ITGB6: variants seen among roughly 807,000 people sequenced by gnomAD.
ITGB6 encodes the protein integrin subunit beta 6, also known as integrin beta-6.
Under a neutral mutation model 84.5 loss-of-function variants are expected in ITGB6, and 80 were observed. That is an observed-to-expected ratio of 0.95 (90% CI 0.79 to 1.14). ITGB6 has a LOEUF of 1.14. Ranked by LOEUF, ITGB6 falls within the 50% of genes most tolerant of loss-of-function variation. The pLI, the probability that ITGB6 is intolerant of heterozygous loss-of-function variation, is 0.00. For missense variants in ITGB6, 1,006 were observed against 968.0 expected (o/e 1.04, Z -0.52); for synonymous variants, 383 against 354.9 (o/e 1.08, Z -0.89).
intron 14 of ITGB6, among the ~76,000 whole-genome samples, chr2:160,104,335 C>T (rs1696830026): frequency 6.6e-6 from 1 of 152,186 alleles, no homozygotes; most frequent in African/African-American, 2.4e-5. Context: ...GAAATGTCCA[C>T]ACTGCCTCCT....
At chr2:160,182,729 G>C (rs1258399521) in intron 4 of ITGB6, among the ~76,000 whole-genome samples, 3 of 152,170 alleles carry the variant, frequency 2.0e-5, no homozygotes, top group Non-Finnish European at 4.4e-5. Context: ...AAAATGTTAA[G>C]GGCAACCAGA....
chr2:160,184,207 G>A (rs1685803206), intron 4 of ITGB6, among the ~76,000 whole-genome samples: 2 of 152,078 alleles, frequency 1.3e-5, no homozygotes, highest in Non-Finnish European at 2.9e-5. Context: ...TTTTTGAAAA[G>A]ATTAACAAAA....
At position 160,137,490 on chromosome 2, in the gene ITGB6, G is replaced by A. The variant is rs979172663; in HGVS notation, c.1604C>T (p.Pro535Leu). The A allele has an allele frequency of 2.5e-6, 4 of 1,614,026 alleles. No homozygotes were observed. The Middle Eastern group carries it at 4.9e-4, about 200-fold the overall frequency. The change falls in exon 10 of 15, where the codon CCT (proline) becomes CTT (leucine). Residue 535 changes from proline to leucine, a missense_variant. Pro to Leu is a moderately conservative substitution (Grantham distance 98). Transcript: ENST00000283249. ...GGAGAAATTGTCACACTGGCAATAAGGCCCATAAATGTTTCCATAGGGAGA... is the reference window on the plus strand; with the variant it reads ...GGAGAAATTGTCACACTGGCAATAAAGCCCATAAATGTTTCCATAGGGAGA... ...HLSPYGNIYG[P>L]YCQCDNFSCV... is the part of the protein sequence containing the mutation.
Position 160,101,464 on chromosome 2 carries a change from A to T in ITGB6, c.*272T>A. 2 of 354,272 alleles carry T rather than the reference A, an allele frequency of 5.6e-6. 1 individual carries two copies. 21.9% of individuals were successfully genotyped at this position (354,272 alleles called of 1,614,324 possible). On this transcript the variant is annotated 3_prime_UTR_variant, in exon 15 of 15. Coordinates refer to ENST00000283249, the MANE Select transcript of ITGB6 (RefSeq NM_000888.5). Reference sequence around the variant, plus strand: ...TTCAAATGCAAATCAGGCCCCCATGAATCATTTGATGATTTTTTGAAGCAT... The same window carrying T: ...TTCAAATGCAAATCAGGCCCCCATGTATCATTTGATGATTTTTTGAAGCAT...
chr2:160,160,803 C>T (rs988435409), intron 7 of ITGB6, among the ~76,000 whole-genome samples: 6 of 152,142 alleles, frequency 3.9e-5, no homozygotes, highest in African/African-American at 1.4e-4. Flanking sequence ...GCCTCACAGA[C>T]ACCACATAGA....
At chr2:160,111,752 G>A (rs1011716794) in intron 13 of ITGB6, among the ~76,000 whole-genome samples, 6 of 151,964 alleles carry the variant, frequency 3.9e-5, no homozygotes, top group African/African-American at 1.2e-4. Context: ...GCTAATTTTT[G>A]TATTTTTAGT....
At chr2:160,110,987 A>T (rs1311047040) in intron 13 of ITGB6, among the ~76,000 whole-genome samples, 1 of 152,196 alleles carries the variant, frequency 6.6e-6, no homozygotes, top group African/African-American at 2.4e-5. Flanking sequence ...AAGCATGGGG[A>T]TAATAACACG....
chr2:160,180,128 A>C (rs1158728163), intron 4 of ITGB6, among the ~76,000 whole-genome samples: 2 of 148,746 alleles, frequency 1.3e-5, no homozygotes, highest in Non-Finnish European at 2.9e-5. Flanking sequence ...AAAAAAAAAA[A>C]CAAACAAAAA....
chr2:160,179,800 G>A lies in ITGB6; in HGVS notation c.594-5661C>T, dbSNP rs112059929. ...AACACCACAGTATACATAAAATGATGTTTCAAAAATCTTTCGGCCGGGCAG... is the reference window on the plus strand; with the variant it reads ...AACACCACAGTATACATAAAATGATATTTCAAAAATCTTTCGGCCGGGCAG... On this transcript the variant is annotated intron_variant, in intron 4 of 14. Transcript: ENST00000283249. 8.9e-3 allele frequency among the ~76,000 whole-genome samples: 1,339 copies of A among 150,900 alleles called. 9 individuals carry two copies. Among genetic ancestry groups the A allele is most frequent in the Middle Eastern group, 0.021 (6 of 292 alleles).
chr2:160,105,976 C>T (rs574469224), intron 14 of ITGB6, among the ~76,000 whole-genome samples: 3 of 152,246 alleles, frequency 2.0e-5, no homozygotes, highest in Non-Finnish European at 4.4e-5. Context: ...CTCCAAAGAC[C>T]CATCGCTCAG....
chr2:160,150,072 G>A (rs1316255247), intron 7 of ITGB6, among the ~76,000 whole-genome samples: 1 of 152,148 alleles, frequency 6.6e-6, no homozygotes, highest in Non-Finnish European at 1.5e-5. Context: ...ACATAGCAAG[G>A]TAGGCCAACA....
At chr2:160,127,339 A>G (rs56040145) in intron 10 of ITGB6, among the ~76,000 whole-genome samples, 23,434 of 152,222 alleles carry the variant, frequency 0.15, 2,421 homozygotes, top group Non-Finnish European at 0.24. Context: ...CTTCATCTGC[A>G]TAATAAGAAC....
chr2:160,113,676 T>C (rs1375105820), intron 12 of ITGB6, among the ~76,000 whole-genome samples: 1 of 152,200 alleles, frequency 6.6e-6, no homozygotes, highest in Admixed American at 6.5e-5. Flanking sequence ...ATTTGAGAAG[T>C]TGGTTGTGTG....
chr2:160,110,473 C>T (rs1682448525), intron 13 of ITGB6, among the ~76,000 whole-genome samples: 1 of 152,144 alleles, frequency 6.6e-6, no homozygotes, highest in Non-Finnish European at 1.5e-5. Context: ...ACCTCAAGGG[C>T]CTGGAGCCTC....
At chr2:160,187,374 T>C (rs1685945569) in intron 4 of ITGB6, among the ~76,000 whole-genome samples, 1 of 152,160 alleles carries the variant, frequency 6.6e-6, no homozygotes, top group Non-Finnish European at 1.5e-5. Context: ...TCACTGATGT[T>C]TCAGATTCCT....
At chr2:160,177,719 T>A (rs1383704061) in intron 4 of ITGB6, among the ~76,000 whole-genome samples, 1 of 152,218 alleles carries the variant, frequency 6.6e-6, no homozygotes, top group Non-Finnish European at 1.5e-5. Context: ...GATGCATTTT[T>A]AAAGTGTGAT....
intron 12 of ITGB6, among the ~76,000 whole-genome samples, chr2:160,116,194 C>A (rs986754911): frequency 6.6e-6 from 1 of 151,624 alleles, no homozygotes; most frequent in Non-Finnish European, 1.5e-5. Flanking sequence ...AAGAGCAACT[C>A]CAAGACACAC....
chr2:160,140,975 A>G (rs1683977173), intron 8 of ITGB6, among the ~76,000 whole-genome samples: 1 of 152,108 alleles, frequency 6.6e-6, no homozygotes, highest in African/African-American at 2.4e-5. Context: ...GGATAGGCCT[A>G]TTTTTAAAAA....
chr2:160,175,585 GC>G (rs1685387613), intron 4 of ITGB6, among the ~76,000 whole-genome samples: 1 of 152,074 alleles, frequency 6.6e-6, no homozygotes. Flanking sequence ...GTTTAAAATA[GC>G]CCCCAGGCAT....
Sources: gnomAD v4.1 joint callset for allele counts (sites outside exome capture counted in the v4.1 genomes callset) on GRCh38, gnomAD v4.1.1 for gene constraint, MANE v1.5 for transcripts, NCBI Gene and HGNC (gene_info 2026-07-23, HGNC 2026-07-21) for gene names.